The following SLC39A12 variants were observed in gnomAD, a reference collection of about 807,000 sequenced individuals.
SLC39A12 encodes zinc transporter ZIP12.
Under a neutral mutation model 71.1 loss-of-function variants are expected in SLC39A12, and 63 were observed. The observed-to-expected ratio is 0.89, with a 90% CI of 0.72 to 1.09. The LOEUF (loss-of-function observed/expected upper bound fraction) is 1.09, where lower values mean the gene tolerates loss of function less well. Among genes scored for constraint, SLC39A12 ranks in the 50% least tolerant of loss-of-function variants. The pLI, the probability that SLC39A12 is intolerant of heterozygous loss-of-function variation, is 0.00. For missense variants in SLC39A12, 892 were observed against 812.6 expected (o/e 1.10, Z -1.19); for synonymous variants, 351 against 301.3 (o/e 1.16, Z -1.71).
At chr10:17,961,424 C>T (rs898992063) in intron 2 of SLC39A12, among the ~76,000 whole-genome samples, 157 bp from the exon 3 acceptor site, 3 of 152,120 alleles carry the variant, frequency 2.0e-5, no homozygotes, top group African/African-American at 7.2e-5. Context: ...CATTGTTATG[C>T]GGGAGTCCAA....
At chr10:17,957,182 A>G (rs1265304771) in intron 2 of SLC39A12, among the ~76,000 whole-genome samples, 3 of 152,170 alleles carry the variant, frequency 2.0e-5, no homozygotes. Flanking sequence ...CAGCTGTCTT[A>G]CTGATGTAGG....
chr10:17,956,762 C>A (rs1834559999), intron 2 of SLC39A12, among the ~76,000 whole-genome samples: 1 of 152,214 alleles, frequency 6.6e-6, no homozygotes, highest in African/African-American at 2.4e-5. Flanking sequence ...CACACCTGGC[C>A]CTAGCCCCTG....
In SLC39A12 at chr10:17,961,572, CT is replaced by C. The variant is rs34494172; in HGVS notation, c.262-7del. 3.8e-3 allele frequency: 5,993 copies of C among 1,596,652 alleles called. 177 individuals carry two copies. In the African/African-American group the frequency reaches 0.072, roughly 19 times the overall value. ...TTTCTTTTGTTGTTGTTATTGTTTT[CT>C]TCCACAGTGCTTTGAACCAGATGCA... On this transcript the variant is annotated splice_region_variant and splice_polypyrimidine_tract_variant and intron_variant, in intron 2 of 12. Transcript: ENST00000377369.
chr10:18,011,128 C>T (rs901207818), intron 12 of SLC39A12, among the ~76,000 whole-genome samples: 4 of 151,982 alleles, frequency 2.6e-5, no homozygotes, highest in Non-Finnish European at 5.9e-5. Context: ...CTCACTCTGT[C>T]GCTCAGGCTG....
At position 17,965,499 on chromosome 10, in the gene SLC39A12, C is replaced by T. The variant is rs146428537; in HGVS notation, c.560C>T (p.Thr187Met). Residue 187 changes from threonine to methionine, a missense_variant, in exon 4 of 13, where the codon ACG (threonine) becomes ATG (methionine). Physicochemically the swap from Thr to Met is moderately conservative, Grantham distance 81. Transcript: ENST00000377369. ...TSQSQCMETKTLQKKSGIVSS... is the reference protein window; with the variant it reads ...TSQSQCMETKMLQKKSGIVSS... ...TGATTTCAGTGTATGGAAACCAAAA[C>T]GCTGCAGAAAAAATCTGGAATAGTG... 2.9e-4 allele frequency: 461 copies of T among 1,613,994 alleles called. No homozygotes were observed. Among genetic ancestry groups the T allele is most frequent in the Middle Eastern group, 2.1e-3 (13 of 6,052 alleles).
chr10:18,004,958 G>C (rs1360255093), intron 12 of SLC39A12, among the ~76,000 whole-genome samples: 1 of 151,782 alleles, frequency 6.6e-6, no homozygotes, highest in African/African-American at 2.4e-5. Flanking sequence ...ATTATCCCCA[G>C]CAAACTAATG....
At chr10:17,962,406 C>G (rs1834714500) in intron 3 of SLC39A12, among the ~76,000 whole-genome samples, 1 of 152,156 alleles carries the variant, frequency 6.6e-6, no homozygotes, top group South Asian at 2.1e-4. Context: ...TGCCTCTCCT[C>G]TCTCCCAGCT....
chr10:18,034,212 C>T (rs1410597574), intron 12 of SLC39A12, among the ~76,000 whole-genome samples: 1 of 151,290 alleles, frequency 6.6e-6, no homozygotes, highest in East Asian at 1.9e-4. Flanking sequence ...TCCTTGTTGA[C>T]TTTCTGTCTC....
chr10:17,956,322 C>T (rs1056035944), intron 2 of SLC39A12, among the ~76,000 whole-genome samples: 2 of 152,078 alleles, frequency 1.3e-5, no homozygotes, highest in Admixed American at 6.6e-5. Context: ...CTGTGGGGAT[C>T]CCATGGACAT....
chr10:17,974,254 G>A (rs560798592), intron 4 of SLC39A12, among the ~76,000 whole-genome samples: 2 of 152,120 alleles, frequency 1.3e-5, no homozygotes, highest in South Asian at 4.1e-4. Flanking sequence ...CTCCAGAATT[G>A]TTGCCTGGTG....
In SLC39A12 at chr10:17,995,655, G is replaced by A; in HGVS notation, c.1534-1G>A. On this transcript the variant is annotated splice_acceptor_variant, in intron 9 of 12. Transcript: ENST00000377369. LOFTEE classifies it high-confidence loss of function. ...ATCAGTTATTTTTTAATTTAAAATA[G>A]AAAAGCCCAGAAGATTCACAGGCAG... is the stretch of plus-strand genomic sequence containing the variant. 1 of 1,610,892 alleles carries A rather than the reference G, an allele frequency of 6.2e-7. No homozygotes were observed. The highest frequency in any genetic ancestry group is 1.1e-5 in the South Asian group (1 of 90,336).
At chr10:17,982,699 A>G (rs1023053287) in intron 6 of SLC39A12, among the ~76,000 whole-genome samples, 16 of 149,806 alleles carry the variant, frequency 1.1e-4, no homozygotes, top group African/African-American at 3.7e-4. Context: ...TGAAGACAGC[A>G]CTGTGGCACC....
chr10:17,991,386 G>T lies in SLC39A12; in HGVS notation c.1422+83G>T, dbSNP rs1174453050. ...TTCCTTCACAAGTACTTGTTCAAAA[G>T]TAATGAAGTTGCCTGTGTAAGGGAT... On this transcript the variant is annotated intron_variant, in intron 8 of 12. Transcript: ENST00000377369. 4.1e-5 allele frequency: 49 copies of T among 1,203,126 alleles called. No homozygotes were observed. In the East Asian group the frequency reaches 1.0e-3, roughly 25 times the overall value. The allele number at this position is 1,203,126 out of a possible 1,614,324, so 74.5% of individuals were successfully genotyped here.
intron 12 of SLC39A12, among the ~76,000 whole-genome samples, chr10:18,013,514 C>T (rs915779894): frequency 6.6e-6 from 1 of 151,976 alleles, no homozygotes; most frequent in East Asian, 1.9e-4. Flanking sequence ...ACTACAGGCA[C>T]CTGCCACCAT....
intron 2 of SLC39A12, among the ~76,000 whole-genome samples, chr10:17,955,237 A>G (rs1250924703): frequency 6.6e-6 from 1 of 152,192 alleles, no homozygotes; most frequent in Non-Finnish European, 1.5e-5. Flanking sequence ...GTTTTCTGTG[A>G]CAGTATCAGG....
At chr10:18,033,508 A>G (rs1357707154) in intron 12 of SLC39A12, among the ~76,000 whole-genome samples, 2 of 145,742 alleles carry the variant, frequency 1.4e-5, no homozygotes, top group Non-Finnish European at 3.0e-5. Context: ...CCCCTTTATC[A>G]TTTTTTATTG....
intron 12 of SLC39A12, among the ~76,000 whole-genome samples, chr10:18,012,649 A>G (rs1157699118): frequency 6.6e-6 from 1 of 152,176 alleles, no homozygotes; most frequent in Non-Finnish European, 1.5e-5. Context: ...CAGGCGGATC[A>G]CGAGGTCAAG....
At chr10:18,022,180 T>C (rs901556162) in intron 12 of SLC39A12, among the ~76,000 whole-genome samples, 1 of 152,210 alleles carries the variant, frequency 6.6e-6, no homozygotes, top group Non-Finnish European at 1.5e-5. Context: ...TGTAGTAAGG[T>C]TGAAGAAATT....
At chr10:17,996,844 A>T (rs1455840145) in intron 10 of SLC39A12, among the ~76,000 whole-genome samples, 1 of 152,000 alleles carries the variant, frequency 6.6e-6, no homozygotes, top group African/African-American at 2.4e-5. Context: ...AAAAAATACA[A>T]AAAATTAGCA....
Sources: allele counts gnomAD v4.1 joint callset (sites outside exome capture counted in the v4.1 genomes callset), GRCh38; gene constraint gnomAD v4.1.1; transcripts MANE v1.5; gene names NCBI Gene and HGNC (gene_info 2026-07-23, HGNC 2026-07-21).